CBFB: variants seen among roughly 807,000 people sequenced by gnomAD.
CBFB encodes the protein CBF-beta.
A neutral mutation model predicts 30.4 loss-of-function variants in CBFB; 9 were observed. The observed-to-expected ratio is 0.30, with a 90% CI of 0.18 to 0.52. The LOEUF (loss-of-function observed/expected upper bound fraction) is 0.52, where lower values mean the gene tolerates loss of function less well. Among genes scored for constraint, CBFB ranks in the 20% least tolerant of loss-of-function variants. The pLI is 0.97. For missense variants in CBFB, 170 were observed against 244.0 expected, an observed-to-expected ratio of 0.70 and a Z score of 2.02; for synonymous variants, 94 against 84.0, an observed-to-expected ratio of 1.12 and a Z score of -0.65.
intron 4 of CBFB, among the ~76,000 whole-genome samples, chr16:67,075,077 C>T (rs1373593639): frequency 1.3e-5 from 2 of 152,062 alleles, no homozygotes; most frequent in Non-Finnish European, 2.9e-5. Flanking sequence ...ATAATCCCAG[C>T]TACTCAGGAG....
rs150500711 is a variant in CBFB at position 67,085,905 on chromosome 16, C to A, written c.495+3597C>A. 2.1e-3 allele frequency among the ~76,000 whole-genome samples: 325 copies of A among 151,896 alleles called. 3 individuals are homozygous for A. The highest frequency in any genetic ancestry group is 7.6e-3 in the African/African-American group (314 of 41,434). On this transcript the variant is annotated intron_variant, in intron 5 of 5. Transcript: ENST00000412916. ...GTGTTAGCCAGGATGGTCTCGATCT[C>A]CTGACCTCGTGATCTGCCCGCCTTG...
intron 4 of CBFB, among the ~76,000 whole-genome samples, chr16:67,081,677 G>A (rs1024381585): frequency 7.2e-5 from 11 of 151,888 alleles, no homozygotes; most frequent in South Asian, 2.1e-4. Flanking sequence ...GCAGTGGTGC[G>A]TGCCTGTAGT....
intron 2 of CBFB, chr16:67,036,344 T>C (rs1966439561): frequency 3.6e-6 from 1 of 279,738 alleles, no homozygotes; most frequent in Non-Finnish European, 6.6e-6. Context: ...TAGTGGCTTC[T>C]GGTTAGACAT....
In CBFB at chr16:67,080,984, T is replaced by A. The variant is rs776534232; in HGVS notation, c.400-1229T>A. ...TTTTAAAAGTACCTCTGACTTTTTT[T>A]TATATATATACTTTTAAGTTTTAGG... On this transcript the variant is annotated intron_variant, in intron 4 of 5. Transcript: ENST00000412916. Among the ~76,000 whole-genome samples, 10 of 152,238 alleles carry A rather than the reference T, an allele frequency of 6.6e-5. No homozygotes were observed. The Middle Eastern group carries it at 0.01, about 155-fold the overall frequency.
intron 3 of CBFB, among the ~76,000 whole-genome samples, chr16:67,059,676 G>C (rs1257756515): frequency 6.6e-6 from 1 of 152,152 alleles, no homozygotes; most frequent in Non-Finnish European, 1.5e-5. Context: ...GCTGTTCATA[G>C]CCTGCCCTGC....
At chr16:67,037,652 T>C (rs1966464297) in intron 3 of CBFB, among the ~76,000 whole-genome samples, 1 of 150,390 alleles carries the variant, frequency 6.6e-6, no homozygotes. Flanking sequence ...GTTAAATGTA[T>C]TATGATTTTG....
intron 2 of CBFB, among the ~76,000 whole-genome samples, chr16:67,033,721 C>T (rs1439340465): frequency 1.4e-5 from 2 of 142,740 alleles, no homozygotes; most frequent in Non-Finnish European, 3.1e-5. Context: ...ACGCCATTCT[C>T]CCGCTTCAGC....
chr16:67,085,435 G>A (rs1176729651), intron 5 of CBFB, among the ~76,000 whole-genome samples: 1 of 144,306 alleles, frequency 6.9e-6, no homozygotes, highest in Non-Finnish European at 1.5e-5. Context: ...CTCCCAAAGT[G>A]CTGGGATTAC....
chr16:67,051,920 C>A (rs1410612287), intron 3 of CBFB, among the ~76,000 whole-genome samples: 1 of 149,422 alleles, frequency 6.7e-6, no homozygotes, highest in Non-Finnish European at 1.5e-5. Context: ...TATACACACA[C>A]ACACACACAC....
chr16:67,054,976 T>C (rs1960672534), intron 3 of CBFB, among the ~76,000 whole-genome samples: 1 of 151,828 alleles, frequency 6.6e-6, no homozygotes, highest in Non-Finnish European at 1.5e-5. Context: ...CCAAGAGCTC[T>C]TTTTTGTGTG....
At chr16:67,078,564 A>T (rs1597153011) in intron 4 of CBFB, among the ~76,000 whole-genome samples, 2 of 152,286 alleles carry the variant, frequency 1.3e-5, no homozygotes, top group East Asian at 3.9e-4. Flanking sequence ...AGAGTAAAGA[A>T]AAGATCAAAA....
intron 4 of CBFB, among the ~76,000 whole-genome samples, chr16:67,075,307 G>A (rs550203973): frequency 7.3e-4 from 111 of 151,546 alleles, no homozygotes; most frequent in African/African-American, 2.4e-3. Context: ...AGAAATTGGC[G>A]AAAGACATTT....
chr16:67,074,794 C>T (rs973756950), intron 4 of CBFB, among the ~76,000 whole-genome samples: 3 of 152,058 alleles, frequency 2.0e-5, no homozygotes, highest in Admixed American at 6.6e-5. Context: ...GGATAAATAA[C>T]GAATTATGGT....
chr16:67,056,565 A>C (rs889273602), intron 3 of CBFB, among the ~76,000 whole-genome samples: 2 of 151,592 alleles, frequency 1.3e-5, no homozygotes, highest in Admixed American at 6.6e-5. Context: ...AGTATTTACT[A>C]TGTTTTTTTC....
At chr16:67,074,960 A>G (rs965026194) in intron 4 of CBFB, among the ~76,000 whole-genome samples, 1 of 152,126 alleles carries the variant, frequency 6.6e-6, no homozygotes, top group Non-Finnish European at 1.5e-5. Context: ...TGGGTGGCCA[A>G]GGTGGGCAGA....
intron 5 of CBFB, among the ~76,000 whole-genome samples, chr16:67,096,925 C>CAA (rs911939844): frequency 1.1e-4 from 9 of 83,454 alleles, no homozygotes; most frequent in Admixed American, 1.4e-4. Flanking sequence ...GACTCCGTCT[C>CAA]AAAAAAAAAA....
In CBFB at chr16:67,098,778, A is replaced by AT. The variant is rs774590494; in HGVS notation, c.*2dup. On this transcript the variant is annotated 3_prime_UTR_variant, in exon 6 of 6. Transcript: ENST00000412916. The stretch of plus-strand genomic sequence containing the variant: ...GTGGTGATGACCTCAAACTTCGTTA[A>AT]TTAATAGCACAGCAGATGTGTGCTG... 3.8e-6 allele frequency: 6 copies of AT among 1,565,746 alleles called. No individual in the cohort carries two copies. Among genetic ancestry groups the AT allele is most frequent in the Non-Finnish European group, 4.4e-6 (5 of 1,136,006 alleles).
intron 5 of CBFB, among the ~76,000 whole-genome samples, chr16:67,092,696 A>ATTTTTTTTTTTTTTTTTTTTTTTTTTT (rs1162307047): frequency 6.3e-5 from 6 of 94,680 alleles, no homozygotes; most frequent in African/African-American, 1.4e-4. Flanking sequence ...CAGTGGTGCA[A>ATTTTTTTTTTTTTTTTTTTTTTTTTTT]TCTTTTTTTT....
chr16:67,066,824 G>T (rs201176556), intron 4 of CBFB, 26 bp downstream of exon 4: 1 of 1,328,204 alleles, frequency 7.5e-7, no homozygotes. Flanking sequence ...GCTTTATTGA[G>T]CATGGTCCCT....
Sources: allele counts gnomAD v4.1 joint callset (sites outside exome capture counted in the v4.1 genomes callset), GRCh38; gene constraint gnomAD v4.1.1; transcripts MANE v1.5; gene names NCBI Gene and HGNC (gene_info 2026-07-23, HGNC 2026-07-21).